The following NALCN variants were observed in gnomAD, a reference collection of about 807,000 sequenced individuals.
NALCN encodes sodium leak channel, non-selective.
In NALCN, 111 loss-of-function variants were observed where a neutral mutation model predicts 225.3. The ratio of observed to expected loss-of-function variants is 0.49; its 90% CI spans 0.42 to 0.58. NALCN has a LOEUF of 0.58. NALCN is among the 20% of genes least tolerant of loss of function. NALCN has a pLI of 0.00. For missense variants in NALCN, 1,378 were observed against 2,202.4 expected (o/e 0.63, Z 7.49); for synonymous variants, 764 against 769.0 (o/e 0.99, Z 0.11).
At chr13:101,208,144 C>T (rs1198035628) in intron 13 of NALCN, among the ~76,000 whole-genome samples, 5 of 152,184 alleles carry the variant, frequency 3.3e-5, no homozygotes, top group East Asian at 1.9e-4. Flanking sequence ...ACACTCACCA[C>T]GAAGGTCTGC....
chr13:101,352,995 C>G (rs992704868), intron 6 of NALCN, among the ~76,000 whole-genome samples: 4 of 152,154 alleles, frequency 2.6e-5, no homozygotes, highest in African/African-American at 9.7e-5. Flanking sequence ...CCCAACAAAT[C>G]CACATGCAAC....
At chr13:101,157,902 G>A (rs185028032) in intron 15 of NALCN, among the ~76,000 whole-genome samples, 7 of 152,010 alleles carry the variant, frequency 4.6e-5, no homozygotes, top group South Asian at 4.2e-4. Flanking sequence ...ATAGGCAGGC[G>A]CCACCACACC....
chr13:101,347,614 TAAGATGGTAAGGAG>T (rs2045782021), intron 6 of NALCN, among the ~76,000 whole-genome samples: 1 of 152,120 alleles, frequency 6.6e-6, no homozygotes, highest in Non-Finnish European at 1.5e-5. Flanking sequence ...AATATAACAG[TAAGATGGTAAGGAG>T]ACTGGGCTTC....
chr13:101,070,788 T>A (rs1401137751), intron 37 of NALCN, among the ~76,000 whole-genome samples: 3 of 152,182 alleles, frequency 2.0e-5, no homozygotes, highest in Non-Finnish European at 4.4e-5. Flanking sequence ...TTAGCATAAT[T>A]CTTAAGAGAC....
chr13:101,077,172 A>C (rs191194115), intron 34 of NALCN, among the ~76,000 whole-genome samples: 25 of 152,328 alleles, frequency 1.6e-4, no homozygotes, highest in African/African-American at 6.0e-4. Context: ...AGGCCTTCCC[A>C]GCCATGCAGA....
intron 10 of NALCN, among the ~76,000 whole-genome samples, chr13:101,262,798 C>T (rs1376203176): frequency 6.6e-6 from 1 of 152,164 alleles, no homozygotes; most frequent in Non-Finnish European, 1.5e-5. Flanking sequence ...GTAACTCCAC[C>T]ACTTACTGGC....
intron 30 of NALCN, among the ~76,000 whole-genome samples, chr13:101,088,484 C>T (rs1208757503): frequency 6.6e-6 from 1 of 152,152 alleles, no homozygotes; most frequent in Non-Finnish European, 1.5e-5. Context: ...AATCACAGAG[C>T]CTGCGGTAAT....
chr13:101,069,983 T>C (rs547477332), intron 37 of NALCN, among the ~76,000 whole-genome samples: 5 of 151,740 alleles, frequency 3.3e-5, no homozygotes, highest in Admixed American at 6.6e-5. Flanking sequence ...CTCAAAGTCA[T>C]CCATAATGGC....
At chr13:101,251,804 A>T (rs2042071092) in intron 11 of NALCN, among the ~76,000 whole-genome samples, 1 of 152,178 alleles carries the variant, frequency 6.6e-6, no homozygotes, top group Non-Finnish European at 1.5e-5. Flanking sequence ...TGCTTCATCA[A>T]TAATCTGTTT....
At chr13:101,080,631 T>C (rs1321087324) in intron 34 of NALCN, among the ~76,000 whole-genome samples, 3 of 138,462 alleles carry the variant, frequency 2.2e-5, no homozygotes, top group Non-Finnish European at 3.2e-5. Context: ...ATTAATTATT[T>C]AATTAAATAT....
chr13:101,158,957 G>A (rs999526187), intron 15 of NALCN, among the ~76,000 whole-genome samples: 1 of 152,136 alleles, frequency 6.6e-6, no homozygotes, highest in Non-Finnish European at 1.5e-5. Context: ...TTGGAAGGTG[G>A]AATCTCAATT....
At chr13:101,251,017 G>C (rs2042047524) in intron 11 of NALCN, among the ~76,000 whole-genome samples, 1 of 152,058 alleles carries the variant, frequency 6.6e-6, no homozygotes, top group Non-Finnish European at 1.5e-5. Flanking sequence ...GTATGAAGTA[G>C]AGCTGCTCAT....
chr13:101,323,955 T>G (rs1224954144), intron 7 of NALCN, among the ~76,000 whole-genome samples: 1 of 152,178 alleles, frequency 6.6e-6, no homozygotes, highest in East Asian at 1.9e-4. Flanking sequence ...GGTTCCTCTA[T>G]GTAGAGAGGC....
chr13:101,104,546 T>A lies in NALCN; in HGVS notation c.2741A>T (p.His914Leu), dbSNP rs760548460. Residue 914 changes from histidine to leucine, a missense_variant, in exon 24 of 44, where the codon CAT (histidine) becomes CTT (leucine). Physicochemically the swap from His to Leu is moderately conservative, Grantham distance 99. Coordinates refer to ENST00000251127, the MANE Select transcript of NALCN (RefSeq NM_052867.4). This position sits in a 1 kb window ranked among gnomAD's most constrained non-coding sequence, Gnocchi z 4.2. ...AAGCGGTACCTGCAAAGTAGGTGCA[T>A]GCATGACTCTTCGAAACGGGGACTC... ...MFESPFRRVM[H>L]APTLQIAEYV... 6 of 1,614,028 alleles carry A rather than the reference T, an allele frequency of 3.7e-6. No homozygotes were observed. The South Asian group carries it at 6.6e-5, about 18-fold the overall frequency.
chr13:101,120,739 C>G (rs1013995474), intron 18 of NALCN, among the ~76,000 whole-genome samples: 1 of 152,156 alleles, frequency 6.6e-6, no homozygotes, highest in Non-Finnish European at 1.5e-5. Flanking sequence ...ATGGATTACT[C>G]AAATGTTGAA....
chr13:101,205,402 T>G (rs2040272659), intron 13 of NALCN, among the ~76,000 whole-genome samples: 1 of 152,020 alleles, frequency 6.6e-6, no homozygotes, highest in African/African-American at 2.4e-5. Context: ...TTCAGTAATT[T>G]GAGACTTAAA....
In NALCN at chr13:101,368,019, A is replaced by ATTT. The variant is rs1157377731; in HGVS notation, c.644+8680_644+8681insAAA. On this transcript the variant is annotated intron_variant, in intron 6 of 43. Transcript: ENST00000251127. ...TATTTTATTTTATTTTATTATTATT[A>ATTT]TACTTTAAGTTTTAGGGTACATGTG... Among the ~76,000 whole-genome samples the ATTT allele has an allele frequency of 7.1e-5, 10 of 141,734 alleles. No homozygotes were observed. The East Asian group carries it at 1.0e-3, about 14-fold the overall frequency. The allele number at this position is 141,734 out of a possible 152,430, so 93.0% of individuals were successfully genotyped here. A position where few individuals can be genotyped will look rare whatever the true frequency, so the allele number is the denominator to read the frequency against.
At chr13:101,382,205 T>A (rs1194792102) in intron 3 of NALCN, among the ~76,000 whole-genome samples, 1 of 151,034 alleles carries the variant, frequency 6.6e-6, no homozygotes, top group African/African-American at 2.4e-5. Flanking sequence ...TTAAACTCGG[T>A]GGAACATTGA....
intron 12 of NALCN, among the ~76,000 whole-genome samples, chr13:101,234,984 A>G (rs2041499203): frequency 6.6e-6 from 1 of 152,028 alleles, no homozygotes; most frequent in African/African-American, 2.4e-5. Context: ...AGGAAACTAG[A>G]GATGATTAAT....
Sources: allele counts gnomAD v4.1 joint callset (sites outside exome capture counted in the v4.1 genomes callset), GRCh38; gene constraint gnomAD v4.1.1; non-coding constraint Gnocchi (gnomAD v3.1); transcripts MANE v1.5; gene names NCBI Gene and HGNC (gene_info 2026-07-23, HGNC 2026-07-21).